Variants in PID1 observed in about 807,000 individuals in gnomAD.
PID1 encodes the protein phosphotyrosine interaction domain containing 1, also known as PTB-containing, cubilin and LRP1-interacting protein.
Under a neutral mutation model 19.1 loss-of-function variants are expected in PID1, and 10 were observed. That is an observed-to-expected ratio of 0.52 (90% CI 0.32 to 0.89). The LOEUF (loss-of-function observed/expected upper bound fraction) is 0.89, where lower values mean the gene tolerates loss of function less well. Among genes scored for constraint, PID1 ranks in the 40% least tolerant of loss-of-function variants. PID1 has a pLI of 0.03. For synonymous variants in PID1, 130 were observed against 116.0 expected (o/e 1.12, Z -0.78); for missense variants, 248 against 285.3 (o/e 0.87, Z 0.94).
chr2:229,110,853 C>T lies in PID1; in HGVS notation c.177+44965G>A, dbSNP rs115637521. ...CTGTGCTCTCCTCCCTGCTCACTCA[C>T]GTAGGGCAGATAGGAGGGAGGCTCA... On this transcript the variant is annotated intron_variant, in intron 2 of 2. Transcript: ENST00000392055. Among the ~76,000 whole-genome samples the T allele has an allele frequency of 7.1e-3, 1,084 of 152,176 alleles. 10 individuals carry two copies. The highest frequency in any genetic ancestry group is 0.024 in the African/African-American group (998 of 41,524).
intron 2 of PID1, among the ~76,000 whole-genome samples, chr2:229,140,903 G>T (rs1387023605): frequency 3.3e-5 from 5 of 151,790 alleles, no homozygotes; most frequent in African/African-American, 1.2e-4. Flanking sequence ...GTTTAAAGGG[G>T]TCTGTAATTT....
chr2:229,032,041 C>T (rs750752670), intron 2 of PID1, among the ~76,000 whole-genome samples: 17 of 152,028 alleles, frequency 1.1e-4, no homozygotes, highest in Non-Finnish European at 2.5e-4. Context: ...TGAGTAAAAA[C>T]TTAAAAAAAT....
intron 1 of PID1, chr2:229,227,837 G>T (rs1692113460): frequency 2.9e-6 from 1 of 343,062 alleles, no homozygotes; most frequent in Non-Finnish European, 5.9e-6. Flanking sequence ...AACCAACACA[G>T]GGTAACAACG....
At chr2:229,134,483 C>T (rs1220240572) in intron 2 of PID1, among the ~76,000 whole-genome samples, 2 of 151,724 alleles carry the variant, frequency 1.3e-5, no homozygotes, top group African/African-American at 4.8e-5. Flanking sequence ...ACCTCATGAT[C>T]CGCCCACCTT....
chr2:229,157,883 A>G (rs531192178), intron 1 of PID1, among the ~76,000 whole-genome samples: 1 of 152,324 alleles, frequency 6.6e-6, no homozygotes, highest in South Asian at 2.1e-4. Flanking sequence ...TGAGGCAGAC[A>G]CAGTTCCTTC....
Position 229,192,508 on chromosome 2 carries a change from T to G in PID1, c.31-36544A>C, listed in dbSNP as rs141815559. Among the ~76,000 whole-genome samples the G allele has an allele frequency of 1.1e-4, 16 of 152,312 alleles. No homozygotes were observed. In the East Asian group the frequency reaches 2.3e-3, roughly 22 times the overall value. On this transcript the variant is annotated intron_variant, in intron 1 of 2. Coordinates refer to ENST00000392055, the MANE Select transcript of PID1 (RefSeq NM_001100818.2). ...TTTGGAACAATAAAAAAGAAATTATTATTGAGCTATCACAAAAAGGAAATC... is the reference window on the plus strand; with the variant it reads ...TTTGGAACAATAAAAAAGAAATTATGATTGAGCTATCACAAAAAGGAAATC...
chr2:229,126,981 G>A (rs1176637783), intron 2 of PID1, among the ~76,000 whole-genome samples: 1 of 152,202 alleles, frequency 6.6e-6, no homozygotes, highest in Non-Finnish European at 1.5e-5. Context: ...CCCAGTCTGT[G>A]GCTCCGCCAT....
chr2:229,201,739 A>G (rs1166375830), intron 1 of PID1, among the ~76,000 whole-genome samples: 1 of 152,040 alleles, frequency 6.6e-6, no homozygotes, highest in Non-Finnish European at 1.5e-5. Context: ...TTACATTCCC[A>G]CCAACAGTGC....
At chr2:229,206,963 G>C (rs879568831) in intron 1 of PID1, among the ~76,000 whole-genome samples, 1 of 152,112 alleles carries the variant, frequency 6.6e-6, no homozygotes, top group Non-Finnish European at 1.5e-5. Flanking sequence ...AGGCTCCCAG[G>C]TGATGCAAAT....
At chr2:229,032,848 G>T (rs1559202196) in intron 2 of PID1, among the ~76,000 whole-genome samples, 2 of 152,160 alleles carry the variant, frequency 1.3e-5, no homozygotes, top group African/African-American at 4.8e-5. Flanking sequence ...AACTGAAGAA[G>T]TTATTTGAGA....
chr2:229,193,186 T>C (rs556491302), intron 1 of PID1, among the ~76,000 whole-genome samples: 1 of 152,208 alleles, frequency 6.6e-6, no homozygotes, highest in South Asian at 2.1e-4. Flanking sequence ...ATTCAGCTGG[T>C]GGACAGGCCA....
chr2:229,161,469 C>T (rs1690490900), intron 1 of PID1, among the ~76,000 whole-genome samples: 1 of 151,924 alleles, frequency 6.6e-6, no homozygotes, highest in Non-Finnish European at 1.5e-5. Context: ...GAGAATCTTG[C>T]AATACAAATA....
intron 2 of PID1, among the ~76,000 whole-genome samples, chr2:229,080,115 G>T (rs1694640730): frequency 6.6e-6 from 1 of 152,194 alleles, no homozygotes; most frequent in Non-Finnish European, 1.5e-5. Flanking sequence ...CTCAGCGGCT[G>T]CCTGGCCAGG....
chr2:229,159,927 A>G (rs1261509313), intron 1 of PID1, among the ~76,000 whole-genome samples: 2 of 152,150 alleles, frequency 1.3e-5, no homozygotes, highest in Non-Finnish European at 2.9e-5. Context: ...AAGGAGCCAC[A>G]TAGGTCACTG....
chr2:229,137,301 A>C (rs900038150), intron 2 of PID1, among the ~76,000 whole-genome samples: 1 of 152,236 alleles, frequency 6.6e-6, no homozygotes, highest in Non-Finnish European at 1.5e-5. Context: ...TTGTATGAGT[A>C]AGTAGCTTAA....
intron 1 of PID1, among the ~76,000 whole-genome samples, chr2:229,204,481 A>G (rs1297670452): frequency 1.3e-5 from 2 of 152,164 alleles, no homozygotes; most frequent in Admixed American, 6.6e-5. Flanking sequence ...CACAAAATTC[A>G]TACAAGATTT....
intron 1 of PID1, among the ~76,000 whole-genome samples, chr2:229,175,994 G>T (rs1690814042): frequency 1.3e-5 from 2 of 152,068 alleles, no homozygotes; most frequent in African/African-American, 4.8e-5. Context: ...CAGGCTCCCT[G>T]CACTTATTCC....
chr2:229,113,592 A>ACATGTGTGTG (rs1491156183), intron 2 of PID1, among the ~76,000 whole-genome samples: 4 of 53,206 alleles, frequency 7.5e-5, no homozygotes, highest in East Asian at 7.8e-4. Flanking sequence ...GTGTGTATGC[A>ACATGTGTGTG]TATATGTGTG....
intron 2 of PID1, among the ~76,000 whole-genome samples, chr2:229,078,081 C>T (rs533211820): frequency 7.2e-5 from 11 of 152,260 alleles, no homozygotes; most frequent in Admixed American, 1.3e-4. Flanking sequence ...TGTCCTTGAG[C>T]AGTGGTTTGT....
Sources: gnomAD v4.1 joint callset for allele counts (sites outside exome capture counted in the v4.1 genomes callset) on GRCh38, gnomAD v4.1.1 for gene constraint, MANE v1.5 for transcripts, NCBI Gene and HGNC (gene_info 2026-07-23, HGNC 2026-07-21) for gene names.